FANCC: variants seen among roughly 807,000 people sequenced by gnomAD.
FANCC encodes Fanconi anemia group C protein.
Under a neutral mutation model 71.3 loss-of-function variants are expected in FANCC, and 55 were observed. That is an observed-to-expected ratio of 0.77 (90% CI 0.62 to 0.97). FANCC has a LOEUF of 0.97. Ranked by LOEUF, FANCC falls within the 50% of genes least tolerant of loss-of-function variation. The pLI is 0.00. For missense variants in FANCC, 678 were observed against 670.9 expected (o/e 1.01, Z -0.12); for synonymous variants, 275 against 244.9 (o/e 1.12, Z -1.15).
At chr9:95,186,824 C>A (rs1457227958) in intron 4 of FANCC, among the ~76,000 whole-genome samples, 1 of 146,546 alleles carries the variant, frequency 6.8e-6, no homozygotes, top group African/African-American at 2.6e-5. Context: ...AAGAGTCTCA[C>A]TCTGTGGCCC....
intron 8 of FANCC, among the ~76,000 whole-genome samples, chr9:95,129,938 C>T (rs571059255): frequency 1.3e-5 from 2 of 152,278 alleles, no homozygotes; most frequent in African/African-American, 4.8e-5. Context: ...CTCATGGCTA[C>T]CCAGAATTGC....
chr9:95,215,578 T>C (rs1244265043), intron 4 of FANCC, among the ~76,000 whole-genome samples: 3 of 152,226 alleles, frequency 2.0e-5, no homozygotes, highest in South Asian at 2.1e-4. Flanking sequence ...GTAGTATGAC[T>C]GCTCCTGCTA....
chr9:95,314,642 G>C (rs1835630857), intron 1 of FANCC, among the ~76,000 whole-genome samples: 2 of 150,982 alleles, frequency 1.3e-5, no homozygotes, highest in Admixed American at 1.3e-4. Context: ...AACAGAGCGA[G>C]ACTCTGTCTC....
chr9:95,196,240 G>A (rs1827447519), intron 4 of FANCC, among the ~76,000 whole-genome samples: 1 of 152,060 alleles, frequency 6.6e-6, no homozygotes, highest in South Asian at 2.1e-4. Context: ...ACGTGTTTGG[G>A]AGGTGCCCTT....
chr9:95,314,033 T>A (rs1243327243), intron 1 of FANCC, among the ~76,000 whole-genome samples: 1 of 152,180 alleles, frequency 6.6e-6, no homozygotes, highest in Non-Finnish European at 1.5e-5. Context: ...AAGTCAATAA[T>A]ATACACTCCA....
intron 1 of FANCC, among the ~76,000 whole-genome samples, chr9:95,252,289 A>AAG (rs1554859159): frequency 2.0e-5 from 3 of 148,806 alleles, no homozygotes; most frequent in Non-Finnish European, 3.0e-5. Flanking sequence ...AAAAAAAAAA[A>AAG]AAAAAGAAAA....
At chr9:95,219,428 C>G (rs1007967981) in intron 4 of FANCC, among the ~76,000 whole-genome samples, 6 of 152,084 alleles carry the variant, frequency 3.9e-5, no homozygotes, top group African/African-American at 1.4e-4. Context: ...AGGTCTTTCC[C>G]CACATGGAGC....
rs4647558 is a variant in FANCC, at chr9:95,099,836, C to T, written c.*1871G>A. 0.39 allele frequency: 90,046 copies of T among 232,466 alleles called. 18,478 individuals carry two copies. The highest frequency in any genetic ancestry group is 0.57 in the East Asian group (9,296 of 16,426). The allele number at this position is 232,466 out of a possible 1,614,324, so 14.4% of individuals were successfully genotyped here. ...CAGGGCTTCCAGGCTAGGAAGAAGT[C>T]TTCCAGATGCCTAGCTTCACCAGTC... On this transcript the variant is annotated 3_prime_UTR_variant, in exon 15 of 15. Transcript: ENST00000289081.
intron 4 of FANCC, among the ~76,000 whole-genome samples, chr9:95,177,513 A>T (rs1351843361): frequency 2.0e-5 from 3 of 152,210 alleles, no homozygotes; most frequent in Non-Finnish European, 4.4e-5. Context: ...TTCTTAGCTT[A>T]CCGCAACTTT....
chr9:95,284,877 T>TACACAC (rs71366285), intron 1 of FANCC, among the ~76,000 whole-genome samples: 1,610 of 147,672 alleles, frequency 0.011, 9 homozygotes, highest in East Asian at 0.032. Context: ...CACACACACA[T>TACACAC]ACACACACAC....
chr9:95,125,886 C>T (rs1196623837), intron 9 of FANCC, among the ~76,000 whole-genome samples: 5 of 152,168 alleles, frequency 3.3e-5, no homozygotes, highest in African/African-American at 9.7e-5. Context: ...TCCCCAGGGG[C>T]GTCCAGTCTT....
At chr9:95,303,473 G>A (rs777780021) in intron 1 of FANCC, among the ~76,000 whole-genome samples, 6 of 152,146 alleles carry the variant, frequency 3.9e-5, no homozygotes, top group Non-Finnish European at 5.9e-5. Flanking sequence ...ACCTGTCTTC[G>A]TCAGTTTAGG....
intron 14 of FANCC, among the ~76,000 whole-genome samples, chr9:95,105,781 A>G (rs554502011): frequency 1.3e-5 from 2 of 152,352 alleles, no homozygotes; most frequent in Non-Finnish European, 2.9e-5. Context: ...TTCCAGGTTC[A>G]TTCATGTTGT....
intron 4 of FANCC, among the ~76,000 whole-genome samples, chr9:95,224,565 C>T (rs1829493197): frequency 6.6e-6 from 1 of 151,908 alleles, no homozygotes; most frequent in Non-Finnish European, 1.5e-5. Context: ...AACAGATCTC[C>T]TGAAATTTTT....
intron 6 of FANCC, among the ~76,000 whole-genome samples, chr9:95,162,356 G>A (rs1313270272): frequency 1.3e-5 from 2 of 152,002 alleles, no homozygotes; most frequent in Non-Finnish European, 2.9e-5. Context: ...TCATTCGTCC[G>A]CTGATGGACA....
chr9:95,127,937 A>G (rs1305982822), intron 8 of FANCC, among the ~76,000 whole-genome samples: 1 of 152,256 alleles, frequency 6.6e-6, no homozygotes, highest in East Asian at 1.9e-4. Context: ...GCAAGTTAAA[A>G]TGTCCTACTC....
chr9:95,308,163 A>G (rs1160425108), intron 1 of FANCC, among the ~76,000 whole-genome samples: 1 of 152,226 alleles, frequency 6.6e-6, no homozygotes, highest in African/African-American at 2.4e-5. Flanking sequence ...ATTTTCAAAT[A>G]CTTGTCCTAT....
At chr9:95,279,978 A>G (rs1833286673) in intron 1 of FANCC, among the ~76,000 whole-genome samples, 2 of 149,982 alleles carry the variant, frequency 1.3e-5, no homozygotes, top group Admixed American at 6.6e-5. Flanking sequence ...AAAAATTCCC[A>G]TCAAAAGACA....
chr9:95,312,839 G>C (rs894332843), intron 1 of FANCC, among the ~76,000 whole-genome samples: 2 of 152,150 alleles, frequency 1.3e-5, no homozygotes, highest in African/African-American at 4.8e-5. Context: ...TTTTTGGAGG[G>C]AGCACAGCCA....
Sources: allele counts gnomAD v4.1 joint callset (sites outside exome capture counted in the v4.1 genomes callset), GRCh38; gene constraint gnomAD v4.1.1; transcripts MANE v1.5; gene names NCBI Gene and HGNC (gene_info 2026-07-23, HGNC 2026-07-21).